Variants in PTPRD observed in about 807,000 individuals in gnomAD.
PTPRD encodes receptor-type tyrosine-protein phosphatase delta.
PTPRD carries 34 observed loss-of-function variants against 214.5 expected under a neutral mutation model. The ratio of observed to expected loss-of-function variants is 0.16; its 90% CI spans 0.12 to 0.21. PTPRD has a LOEUF of 0.21. Among genes scored for constraint, PTPRD ranks in the 10% least tolerant of loss-of-function variants. The pLI, the probability that PTPRD is intolerant of heterozygous loss-of-function variation, is 1.00. For missense variants in PTPRD, 2,545 were observed against 2,398.7 expected, an observed-to-expected ratio of 1.06 and a Z score of -1.27; for synonymous variants, 1,128 against 845.7, an observed-to-expected ratio of 1.33 and a Z score of -5.79.
chr9:10,267,248 T>A (rs975661240), intron 3 of PTPRD, among the ~76,000 whole-genome samples: 52 of 147,226 alleles, frequency 3.5e-4, no homozygotes, highest in African/African-American at 1.3e-3. Context: ...GCAGATGGAG[T>A]TACACCAACA....
chr9:10,038,101 T>G (rs1307483554), intron 3 of PTPRD, among the ~76,000 whole-genome samples: 1 of 152,172 alleles, frequency 6.6e-6, no homozygotes, highest in Non-Finnish European at 1.5e-5. Context: ...TTGGTTCTAC[T>G]GAACATGAGT....
At chr9:9,798,688 A>G (rs2099019570) in intron 5 of PTPRD, among the ~76,000 whole-genome samples, 1 of 152,320 alleles carries the variant, frequency 6.6e-6, no homozygotes, top group Non-Finnish European at 1.5e-5. Flanking sequence ...GCAGTAAGAA[A>G]TGGTTTGGAA....
At chr9:9,920,136 G>A (rs772190090) in intron 5 of PTPRD, among the ~76,000 whole-genome samples, 8 of 152,012 alleles carry the variant, frequency 5.3e-5, no homozygotes, top group Admixed American at 2.6e-4. Context: ...GTCAGTTTTG[G>A]TTTGTGTCTT....
intron 7 of PTPRD, among the ~76,000 whole-genome samples, chr9:9,727,145 T>G (rs569204051): frequency 6.6e-6 from 1 of 152,136 alleles, no homozygotes; most frequent in Non-Finnish European, 1.5e-5. Flanking sequence ...AATGTCAGAC[T>G]TATTAGAATC....
At chr9:8,969,652 G>C (rs529888045) in intron 11 of PTPRD, among the ~76,000 whole-genome samples, 1 of 151,892 alleles carries the variant, frequency 6.6e-6, no homozygotes, top group Non-Finnish European at 1.5e-5. Context: ...GCTATTAGGG[G>C]AGAGAAATGG....
At position 8,921,285 on chromosome 9, in the gene PTPRD, GT is replaced by G. The variant is rs559004964; in HGVS notation, c.-104+97411del. 1.4e-4 allele frequency among the ~76,000 whole-genome samples: 22 copies of G among 152,238 alleles called. No homozygotes were observed. In the South Asian group the frequency reaches 3.7e-3, roughly 26 times the overall value. On this transcript the variant is annotated intron_variant, in intron 11 of 45. Transcript: ENST00000381196. ...TCTATTTTAGGCAGTGATTCTTCCT[GT>G]GTTAAAGCTTCCTGAACTTGCTCTC...
rs2093941330 is a variant in PTPRD, at chr9:8,589,596, A to G, written c.352+43721T>C. ...TGTCACCATAAGCTATTTGTGACTT[A>G]AAAACTAGAACATGGAGTTCAGAAC... On this transcript the variant is annotated intron_variant, in intron 14 of 45. Transcript: ENST00000381196. Among the ~76,000 whole-genome samples the G allele has an allele frequency of 2.0e-5, 3 of 152,216 alleles. No homozygotes were observed. The South Asian group carries it at 6.2e-4, about 31-fold the overall frequency.
intron 3 of PTPRD, among the ~76,000 whole-genome samples, chr9:10,042,398 G>C (rs1041977783): frequency 6.6e-6 from 1 of 151,802 alleles, no homozygotes; most frequent in Non-Finnish European, 1.5e-5. Flanking sequence ...CTTACACAAA[G>C]GTAGCTCTAT....
At chr9:8,756,513 A>G (rs569288781) in intron 11 of PTPRD, among the ~76,000 whole-genome samples, 213 of 152,320 alleles carry the variant, frequency 1.4e-3, no homozygotes, top group Non-Finnish European at 2.5e-3. Flanking sequence ...TGTGGTATCC[A>G]TGTTAAAGCT....
At chr9:9,813,182 T>A (rs2047688804) in intron 5 of PTPRD, among the ~76,000 whole-genome samples, 1 of 151,996 alleles carries the variant, frequency 6.6e-6, no homozygotes, top group Non-Finnish European at 1.5e-5. Flanking sequence ...TGACAAATGC[T>A]TACATTTATT....
chr9:10,019,900 C>T (rs1011500553), intron 4 of PTPRD, among the ~76,000 whole-genome samples: 3 of 149,724 alleles, frequency 2.0e-5, no homozygotes, highest in Non-Finnish European at 4.5e-5. Context: ...GCATGTTGTG[C>T]ACATGTACCC....
At chr9:8,677,916 TG>T (rs1441754162) in intron 12 of PTPRD, among the ~76,000 whole-genome samples, 1 of 152,018 alleles carries the variant, frequency 6.6e-6, no homozygotes, top group Non-Finnish European at 1.5e-5. Context: ...TTTTGATCTG[TG>T]GGGGGTCTTG....
intron 36 of PTPRD, among the ~76,000 whole-genome samples, chr9:8,403,416 G>T (rs557061586): frequency 9.8e-4 from 149 of 152,330 alleles, no homozygotes; most frequent in Non-Finnish European, 1.1e-3. Context: ...GGTGAACATG[G>T]CATGTGCCAA....
Position 9,771,815 on chromosome 9 carries a change from T to C in PTPRD, c.-367-4964A>G, listed in dbSNP as rs10977967. ...TTATTAAATCCAATGTCTTTGTATC[T>C]GCTTAAACCAGATGTGTTGTAAACA... On this transcript the variant is annotated intron_variant, in intron 5 of 45. Coordinates refer to ENST00000381196, the MANE Select transcript of PTPRD (RefSeq NM_002839.4). 2.6e-5 allele frequency among the ~76,000 whole-genome samples: 4 copies of C among 152,050 alleles called. No individual in the cohort carries two copies. In the East Asian group the frequency reaches 5.8e-4, roughly 22 times the overall value.
At chr9:10,543,370 AGAGTTCTTTGCAGAGCT>A (rs1448025135) in intron 2 of PTPRD, among the ~76,000 whole-genome samples, 1 of 152,124 alleles carries the variant, frequency 6.6e-6, no homozygotes, top group African/African-American at 2.4e-5. Context: ...CTGACTGCTA[AGAGTTCTTTGCAGAGCT>A]GAAAAATTTA....
chr9:8,640,176 G>A (rs1040025532), intron 12 of PTPRD, among the ~76,000 whole-genome samples: 10 of 151,982 alleles, frequency 6.6e-5, no homozygotes, highest in African/African-American at 1.2e-4. Flanking sequence ...GGATCCTCCC[G>A]CCTCAGCCTT....
At chr9:10,044,200 A>G (rs1224682684) in intron 3 of PTPRD, among the ~76,000 whole-genome samples, 1 of 151,784 alleles carries the variant, frequency 6.6e-6, no homozygotes, top group Non-Finnish European at 1.5e-5. Context: ...GTTTCTGAGT[A>G]TTTTCAACAT....
intron 5 of PTPRD, among the ~76,000 whole-genome samples, chr9:9,864,071 G>A (rs556662224): frequency 1.3e-5 from 2 of 152,276 alleles, no homozygotes; most frequent in East Asian, 1.9e-4. Context: ...TTAGGAGGCC[G>A]AAGTGGGTGG....
intron 8 of PTPRD, among the ~76,000 whole-genome samples, chr9:9,507,236 T>G (rs1244095397): frequency 1.3e-5 from 2 of 151,366 alleles, no homozygotes; most frequent in Non-Finnish European, 3.0e-5. Context: ...GAAGCAAGGA[T>G]ATACAATATA....
Sources: allele counts gnomAD v4.1 joint callset (sites outside exome capture counted in the v4.1 genomes callset), GRCh38; gene constraint gnomAD v4.1.1; transcripts MANE v1.5; gene names NCBI Gene and HGNC (gene_info 2026-07-23, HGNC 2026-07-21).